The following RAD51B variants were observed in gnomAD, a reference collection of about 807,000 sequenced individuals.
RAD51B encodes the protein RAD51 paralog B.
RAD51B carries 38 observed loss-of-function variants against 42.2 expected under a neutral mutation model. That is an observed-to-expected ratio of 0.90 (90% CI 0.70 to 1.18). The LOEUF (loss-of-function observed/expected upper bound fraction) is 1.18, where lower values mean the gene tolerates loss of function less well. RAD51B is among the 50% of genes most tolerant of loss of function. RAD51B has a pLI of 0.00. For synonymous variants in RAD51B, 154 were observed against 145.2 expected, an observed-to-expected ratio of 1.06 and a Z score of -0.43; for missense variants, 373 against 400.7, an observed-to-expected ratio of 0.93 and a Z score of 0.59.
At chr14:68,047,527 G>T (rs1424015214) in intron 7 of RAD51B, among the ~76,000 whole-genome samples, 1 of 152,086 alleles carries the variant, frequency 6.6e-6, no homozygotes, top group East Asian at 1.9e-4. Flanking sequence ...TTTCAAGTGT[G>T]TTTCTTTCTA....
intron 3 of RAD51B, among the ~76,000 whole-genome samples, chr14:67,832,022 G>A (rs1005487132): frequency 3.9e-5 from 6 of 152,140 alleles, no homozygotes; most frequent in Non-Finnish European, 7.4e-5. Context: ...TAAGGATGCC[G>A]ACTGAAATAT....
At chr14:68,497,598 A>C in intron 10 of RAD51B, 51 of 881,314 alleles carry the variant, frequency 5.8e-5, no homozygotes, top group South Asian at 1.1e-4. Flanking sequence ...ACTAGATATC[A>C]TGATGTGCAA....
chr14:68,634,658 G>A (rs73285880), intron 10 of RAD51B, among the ~76,000 whole-genome samples: 2,483 of 152,108 alleles, frequency 0.016, 73 homozygotes, highest in African/African-American at 0.056. Context: ...CCACCTTGGC[G>A]GCCACCACTA....
chr14:68,356,490 T>G (rs2082906285), intron 8 of RAD51B, among the ~76,000 whole-genome samples: 1 of 149,164 alleles, frequency 6.7e-6, no homozygotes, highest in South Asian at 2.1e-4. Context: ...AAAAGTGCAA[T>G]AGTATTATAT....
At chr14:67,961,064 T>C (rs1595170589) in intron 7 of RAD51B, among the ~76,000 whole-genome samples, 1 of 152,270 alleles carries the variant, frequency 6.6e-6, no homozygotes, top group East Asian at 1.9e-4. Flanking sequence ...CTGAGTGCAG[T>C]GGCATGATCA....
At chr14:67,872,307 G>A in intron 5 of RAD51B, among the ~76,000 whole-genome samples, 1 of 78,272 alleles carries the variant, frequency 1.3e-5, no homozygotes, top group Admixed American at 1.5e-4. Context: ...GACAAACAGA[G>A]AGCCAAATCA....
At chr14:68,508,778 T>A (rs1258659033) in intron 10 of RAD51B, among the ~76,000 whole-genome samples, 1 of 152,232 alleles carries the variant, frequency 6.6e-6, no homozygotes, top group East Asian at 1.9e-4. Flanking sequence ...CCAGAATGAT[T>A]CCAACACTTT....
intron 7 of RAD51B, among the ~76,000 whole-genome samples, chr14:68,250,524 T>A (rs191344984): frequency 6.6e-6 from 1 of 152,234 alleles, no homozygotes; most frequent in East Asian, 1.9e-4. Flanking sequence ...TCAAATATTA[T>A]AGAATTCTTT....
At chr14:68,163,241 T>C (rs1054503603) in intron 7 of RAD51B, among the ~76,000 whole-genome samples, 7 of 152,366 alleles carry the variant, frequency 4.6e-5, no homozygotes, top group African/African-American at 1.7e-4. Context: ...ATTTGAGGCT[T>C]AGCATTTTCT....
chr14:68,402,958 C>T (rs2084155608), intron 8 of RAD51B, among the ~76,000 whole-genome samples: 1 of 152,180 alleles, frequency 6.6e-6, no homozygotes, highest in South Asian at 2.1e-4. Flanking sequence ...TCATCAAAAG[C>T]CCAGACGGAG....
At chr14:68,524,624 C>G (rs1566925598) in intron 10 of RAD51B, among the ~76,000 whole-genome samples, 2 of 152,192 alleles carry the variant, frequency 1.3e-5, no homozygotes, top group African/African-American at 4.8e-5. Flanking sequence ...TGAGTTAACT[C>G]ACGTTCTCCT....
chr14:67,976,178 G>C (rs1465027181), intron 7 of RAD51B, among the ~76,000 whole-genome samples: 2 of 151,640 alleles, frequency 1.3e-5, no homozygotes, highest in African/African-American at 4.8e-5. Context: ...GTGCAGTGGC[G>C]TGATTATGGC....
chr14:68,613,238 A>G (rs1891739115), downstream of RAD51B, among the ~76,000 whole-genome samples: 1 of 152,018 alleles, frequency 6.6e-6, no homozygotes, highest in Non-Finnish European at 1.5e-5. Flanking sequence ...CAACATGGTG[A>G]AACCCTGTCT....
chr14:68,141,394 GT>G (rs2078125012), intron 7 of RAD51B, among the ~76,000 whole-genome samples: 1 of 152,280 alleles, frequency 6.6e-6, no homozygotes, highest in East Asian at 1.9e-4. Flanking sequence ...AAGACTAAAA[GT>G]TTTGAGAATT....
chr14:68,264,175 T>C (rs975151856), intron 7 of RAD51B, among the ~76,000 whole-genome samples: 4 of 152,252 alleles, frequency 2.6e-5, no homozygotes, highest in Admixed American at 1.3e-4. Flanking sequence ...GGATCGTGTT[T>C]ATTCAGGACT....
At chr14:68,402,109 A>T (rs1354272142) in intron 8 of RAD51B, among the ~76,000 whole-genome samples, 1 of 152,164 alleles carries the variant, frequency 6.6e-6, no homozygotes, top group Admixed American at 6.5e-5. Flanking sequence ...CAAGGAAATT[A>T]ATTTTGCTGG....
intron 7 of RAD51B, among the ~76,000 whole-genome samples, chr14:68,218,186 C>T (rs576834040): frequency 2.4e-4 from 36 of 152,344 alleles, no homozygotes; most frequent in African/African-American, 8.2e-4. Flanking sequence ...TCTGTTTCAG[C>T]AGCTGACCCA....
chr14:68,308,905 T>C (rs557018053), intron 8 of RAD51B, among the ~76,000 whole-genome samples: 2 of 152,142 alleles, frequency 1.3e-5, no homozygotes, highest in Non-Finnish European at 2.9e-5. Flanking sequence ...AAATGTACTT[T>C]CTATTGGAAA....
At chr14:68,403,279 G>T (rs529725430) in intron 8 of RAD51B, among the ~76,000 whole-genome samples, 2 of 150,962 alleles carry the variant, frequency 1.3e-5, no homozygotes, top group African/African-American at 2.4e-5. Flanking sequence ...CTTCCCCTCT[G>T]TTCCTATTTT....
Sources: gnomAD v4.1 joint callset for allele counts (sites outside exome capture counted in the v4.1 genomes callset) on GRCh38, gnomAD v4.1.1 for gene constraint, MANE v1.5 for transcripts, NCBI Gene and HGNC (gene_info 2026-07-23, HGNC 2026-07-21) for gene names.